Variants in FGD1 observed in about 807,000 individuals in gnomAD.
The protein encoded by FGD1 is FYVE, RhoGEF and PH domain containing 1.
Under a neutral mutation model 65.0 loss-of-function variants are expected in FGD1, and 12 were observed. The ratio of observed to expected loss-of-function variants is 0.18; its 90% CI spans 0.12 to 0.30. FGD1 has a LOEUF of 0.30. Among genes scored for constraint, FGD1 ranks in the 10% least tolerant of loss-of-function variants. The pLI, the probability that FGD1 is intolerant of heterozygous loss-of-function variation, is 1.00. For missense variants in FGD1, 542 were observed against 837.6 expected (o/e 0.65, Z 4.36); for synonymous variants, 333 against 343.9 (o/e 0.97, Z 0.35).
chrX:54,456,692 G>T, intron 8 of FGD1, 125 bp from the exon 9 acceptor site: 1 of 517,351 alleles, frequency 1.9e-6, no homozygotes, highest in Non-Finnish European at 3.2e-6. Flanking sequence ...GAGTGCAGCG[G>T]CATGATCACG....
chrX:54,469,565 T>C (rs371958048), intron 4 of FGD1, among the ~76,000 whole-genome samples: 7 of 112,387 alleles, frequency 6.2e-5, no homozygotes, highest in African/African-American at 1.9e-4. Context: ...CTTAGATATA[T>C]GTGTTGACTA....
intron 1 of FGD1, among the ~76,000 whole-genome samples, chrX:54,484,690 C>T (rs746012051): frequency 7.1e-5 from 8 of 112,363 alleles, no homozygotes; most frequent in Non-Finnish European, 1.5e-4. Flanking sequence ...TTTCAGACAC[C>T]GTTTGGAGGT....
At chrX:54,488,310 G>A (rs1350021772) in intron 1 of FGD1, among the ~76,000 whole-genome samples, 10 of 72,988 alleles carry the variant, frequency 1.4e-4, no homozygotes, top group African/African-American at 5.3e-4. Context: ...AAAAGGCCAG[G>A]TGCGGTGGCT....
chrX:54,474,462 T>C (rs1922972965), intron 1 of FGD1, among the ~76,000 whole-genome samples: 1 of 112,688 alleles, frequency 8.9e-6, no homozygotes, highest in Admixed American at 9.3e-5. Flanking sequence ...ATCAGGGTCC[T>C]TTCCCAGCAC....
At chrX:54,447,475 C>T (rs1922250621) in intron 16 of FGD1, 21 bp from the exon 17 acceptor site, 1 of 1,205,481 alleles carries the variant, frequency 8.3e-7, no homozygotes, top group African/African-American at 1.7e-5. Flanking sequence ...AGACACCGGG[C>T]ATCAATGTTG....
intron 6 of FGD1, 94 bp from the exon 7 acceptor site, chrX:54,465,946 T>C (rs1922749725): frequency 4.0e-6 from 4 of 1,008,038 alleles, no homozygotes; most frequent in Non-Finnish European, 1.4e-6. Context: ...ATACCTTTCA[T>C]CTCAGTCCTA....
intron 12 of FGD1, among the ~76,000 whole-genome samples, chrX:54,451,224 C>T (rs916437553): frequency 1.8e-5 from 2 of 110,666 alleles, no homozygotes; most frequent in African/African-American, 3.3e-5. Flanking sequence ...AATCAGTGTG[C>T]GTTCCCCTTC....
intron 6 of FGD1, among the ~76,000 whole-genome samples, 179 bp downstream of exon 6, chrX:54,467,605 C>T (rs945763879): frequency 5.4e-5 from 6 of 111,507 alleles, no homozygotes; most frequent in Admixed American, 4.8e-4. Context: ...ATTCACCTGC[C>T]TCAGCTTCCC....
At chrX:54,477,609 T>G (rs1229570193) in intron 1 of FGD1, among the ~76,000 whole-genome samples, 2 of 108,671 alleles carry the variant, frequency 1.8e-5, no homozygotes, top group African/African-American at 6.7e-5. Context: ...TTTGTATTTT[T>G]GTAGAGATGG....
intron 1 of FGD1, among the ~76,000 whole-genome samples, chrX:54,494,352 C>T (rs974561991): frequency 1.8e-5 from 2 of 109,026 alleles, no homozygotes; most frequent in African/African-American, 6.7e-5. Context: ...CTTGTTCTCC[C>T]GCCACACACA....
At chrX:54,455,230 C>T (rs1168164480) in intron 12 of FGD1, among the ~76,000 whole-genome samples, 3 of 112,351 alleles carry the variant, frequency 2.7e-5, no homozygotes, top group Non-Finnish European at 5.6e-5. Context: ...GTTTCCCTGG[C>T]AGGAGTGCCA....
chrX:54,495,018 T>C (rs886216322), intron 1 of FGD1, 108 bp downstream of exon 1: 5 of 870,672 alleles, frequency 5.7e-6, no homozygotes, highest in Non-Finnish European at 3.2e-6. Context: ...AGGGCCGAGG[T>C]AAGCGAGCCT....
Position 54,447,341 on chromosome X carries a change from G to C in FGD1, c.2550C>G (p.Pro850=), listed in dbSNP as rs747770906. The C allele has an allele frequency of 8.3e-7, 1 of 1,210,468 alleles. No homozygotes were observed. ...KAWFVVPENE[P]LVLYIYGAPQ... is the part of the protein sequence containing the mutation. ...GGGCTCCGTAGATATACAGCACCAAGGGTTCATTTTCAGGGACCACGAACC... is the reference window on the plus strand; with the variant it reads ...GGGCTCCGTAGATATACAGCACCAACGGTTCATTTTCAGGGACCACGAACC... The change falls in exon 17 of 18, where the codon CCC becomes CCG. Residue 850 remains proline (P), a synonymous_variant. Coordinates refer to ENST00000375135, the MANE Select transcript of FGD1 (RefSeq NM_004463.3).
intron 8 of FGD1, among the ~76,000 whole-genome samples, chrX:54,459,876 C>T: frequency 9.1e-6 from 1 of 109,974 alleles, no homozygotes; most frequent in Non-Finnish European, 1.9e-5. Context: ...GGGATTGATA[C>T]AAAACAGGAA....
intron 1 of FGD1, among the ~76,000 whole-genome samples, chrX:54,474,912 A>G (rs1348310260): frequency 2.7e-5 from 3 of 112,317 alleles, no homozygotes; most frequent in Non-Finnish European, 5.6e-5. Flanking sequence ...GAGCCCACCT[A>G]TCTCCACACC....
intron 1 of FGD1, among the ~76,000 whole-genome samples, chrX:54,492,218 A>G (rs1385847263): frequency 1.8e-5 from 2 of 111,906 alleles, no homozygotes; most frequent in Admixed American, 1.9e-4. Context: ...GGAAGCAGAC[A>G]GGATCACTAA....
chrX:54,494,091 C>CAGTG (rs1214066888), intron 1 of FGD1, among the ~76,000 whole-genome samples: 1 of 112,822 alleles, frequency 8.9e-6, no homozygotes, highest in Admixed American at 9.4e-5. Flanking sequence ...AGCACAAAGG[C>CAGTG]AGTGGTCTGT....
intron 8 of FGD1, 61 bp from the exon 9 acceptor site, chrX:54,456,628 T>A: frequency 1.1e-6 from 1 of 932,873 alleles, no homozygotes; most frequent in Non-Finnish European, 1.5e-6. Context: ...TTTCCGGGGC[T>A]TTGTTTTTTG....
In FGD1 at chrX:54,445,644, A is replaced by G. The variant is rs1280727580; in HGVS notation, c.*465T>C. ...AGAAGCTGTAAGCCATGGGAGAGGC[A>G]GGAGAGGTCTAGTTGCCACCCCACG... On this transcript the variant is annotated 3_prime_UTR_variant, in exon 18 of 18. Transcript: ENST00000375135. The G allele has an allele frequency of 2.5e-5, 3 of 119,689 alleles. No homozygotes were observed. The highest frequency in any genetic ancestry group is 5.1e-5 in the Non-Finnish European group (3 of 58,904). The allele number at this position is 119,689 out of a possible 1,213,427, so 9.9% of individuals were successfully genotyped here.
Sources: gnomAD v4.1 joint callset for allele counts (sites outside exome capture counted in the v4.1 genomes callset) on GRCh38, gnomAD v4.1.1 for gene constraint, MANE v1.5 for transcripts, NCBI Gene and HGNC (gene_info 2026-07-23, HGNC 2026-07-21) for gene names.